The following TRIM37 variants were observed in gnomAD, a reference collection of about 807,000 sequenced individuals.
TRIM37 encodes the protein E3 ubiquitin-protein ligase TRIM37.
Under a neutral mutation model 129.8 loss-of-function variants are expected in TRIM37, and 80 were observed. The ratio of observed to expected loss-of-function variants is 0.62; its 90% CI spans 0.51 to 0.74. The LOEUF is 0.74. TRIM37 is among the 30% of genes least tolerant of loss of function. The pLI, the probability that TRIM37 is intolerant of heterozygous loss-of-function variation, is 0.00. For missense variants in TRIM37, 1,054 were observed against 1,176.5 expected (o/e 0.90, Z 1.52); for synonymous variants, 389 against 387.1 (o/e 1.00, Z -0.06).
At position 58,998,931 on chromosome 17, in the gene TRIM37, T is replaced by G; in HGVS notation, c.*446A>C. 5 of 1,032,518 alleles carry G rather than the reference T, an allele frequency of 4.8e-6. No individual in the cohort carries two copies. Among genetic ancestry groups the G allele is most frequent in the Non-Finnish European group, 5.8e-6 (5 of 857,968 alleles). The allele number at this position is 1,032,518 out of a possible 1,614,324, so 64.0% of individuals were successfully genotyped here. On this transcript the variant is annotated 3_prime_UTR_variant, in exon 24 of 24. Transcript: ENST00000262294. ...TTTCTGTTCACTAATCTACAGGCAC[T>G]AATGGAACTGTAATTAAAACCCCAA...
At position 59,075,688 on chromosome 17, in the gene TRIM37, T is replaced by C. The variant is rs760180162; in HGVS notation, c.643A>G (p.Thr215Ala). The C allele has an allele frequency of 6.2e-7, 1 of 1,611,528 alleles. No homozygotes were observed. Among genetic ancestry groups the C allele is most frequent in the Non-Finnish European group, 8.5e-7 (1 of 1,179,350 alleles). The stretch of plus-strand genomic sequence containing the variant: ...TGAAGTAAGGATTCCAAAAGCTCTG[T>C]TTCTTGGGTTAGAGATGTCTTCTGA... ...MGQKTSLTQE[T>A]ELLESLLQEV... The change falls in exon 8 of 24, where the codon ACA becomes GCA. Residue 215 changes from threonine to alanine, a missense_variant. By Grantham distance (58) the Thr-to-Ala change is moderately conservative (BLOSUM62 0). Coordinates refer to ENST00000262294, the MANE Select transcript of TRIM37 (RefSeq NM_015294.6).
intron 2 of TRIM37, among the ~76,000 whole-genome samples, chr17:59,101,871 G>A (rs1193191581): frequency 2.0e-5 from 3 of 150,152 alleles, no homozygotes; most frequent in African/African-American, 2.4e-5. Flanking sequence ...CCTGGGAGGC[G>A]GAGGTCGTAG....
intron 5 of TRIM37, among the ~76,000 whole-genome samples, chr17:59,082,444 T>C (rs538977873): frequency 2.0e-5 from 3 of 152,318 alleles, no homozygotes; most frequent in Non-Finnish European, 2.9e-5. Context: ...ATCAAGCCAA[T>C]TGAGTATGTA....
chr17:59,046,793 G>A (rs906844443), intron 16 of TRIM37, among the ~76,000 whole-genome samples: 35 of 150,764 alleles, frequency 2.3e-4, no homozygotes, highest in African/African-American at 8.0e-4. Context: ...ACCCGCCTCA[G>A]CCTCCCAGAG....
intron 5 of TRIM37, among the ~76,000 whole-genome samples, chr17:59,081,964 A>AAAAAAAAAAATAATAATAATAAT (rs1568200247): frequency 1.1e-5 from 1 of 87,228 alleles, no homozygotes; most frequent in African/African-American, 5.1e-5. Context: ...AAAAAAAAAA[A>AAAAAAAAAAATAATAATAATAAT]AATAATAATA....
At chr17:59,039,555 C>T (rs2145840382) in intron 17 of TRIM37, among the ~76,000 whole-genome samples, 1 of 152,166 alleles carries the variant, frequency 6.6e-6, no homozygotes, top group South Asian at 2.1e-4. Context: ...TCATGTTAGC[C>T]AGGATGGTCT....
chr17:58,988,273 T>C (rs1461488905), intron 24 of TRIM37, among the ~76,000 whole-genome samples: 1 of 151,916 alleles, frequency 6.6e-6, no homozygotes, highest in Non-Finnish European at 1.5e-5. Flanking sequence ...GCTCAGAAAA[T>C]ACTGTAAAGA....
chr17:59,023,292 G>T (rs1468089242), intron 19 of TRIM37, among the ~76,000 whole-genome samples: 2 of 151,998 alleles, frequency 1.3e-5, no homozygotes, highest in African/African-American at 4.8e-5. Context: ...TGGCCAGGCT[G>T]GTCTCGAACT....
intron 22 of TRIM37, among the ~76,000 whole-genome samples, chr17:59,007,379 G>A (rs903921023): frequency 1.3e-5 from 2 of 151,838 alleles, no homozygotes; most frequent in African/African-American, 2.4e-5. Context: ...TTAATTTTTC[G>A]ATGAATTTTG....
At chr17:59,056,591 G>A (rs185772443) in intron 13 of TRIM37, among the ~76,000 whole-genome samples, 6 of 150,980 alleles carry the variant, frequency 4.0e-5, no homozygotes, top group East Asian at 2.0e-4. Context: ...TTAGCCAGGC[G>A]TGGTGGCGGG....
chr17:59,000,082 G>T (rs1437145212), intron 23 of TRIM37, among the ~76,000 whole-genome samples: 1 of 152,196 alleles, frequency 6.6e-6, no homozygotes, highest in Non-Finnish European at 1.5e-5. Flanking sequence ...TGTTCAGATT[G>T]ATTATTAAGG....
At chr17:59,058,994 CAAG>C (rs1432020698) in intron 12 of TRIM37, among the ~76,000 whole-genome samples, 1 of 152,122 alleles carries the variant, frequency 6.6e-6, no homozygotes, top group Non-Finnish European at 1.5e-5. Flanking sequence ...TGCACATTAT[CAAG>C]AAAATGAAAA....
At chr17:58,978,042 T>G (rs1167005687), downstream of TRIM37, among the ~76,000 whole-genome samples, 1 of 152,228 alleles carries the variant, frequency 6.6e-6, no homozygotes, top group Non-Finnish European at 1.5e-5. Context: ...CCAACTTTCT[T>G]GTGTCAAAGA....
downstream of TRIM37, among the ~76,000 whole-genome samples, chr17:58,995,029 A>G (rs1263476490): frequency 6.6e-6 from 1 of 152,050 alleles, no homozygotes; most frequent in Non-Finnish European, 1.5e-5. Context: ...GATTACAGGC[A>G]TGAGCCACTG....
intron 16 of TRIM37, among the ~76,000 whole-genome samples, chr17:59,046,077 GA>G (rs530214755): frequency 3.0e-4 from 46 of 152,060 alleles, no homozygotes; most frequent in African/African-American, 1.1e-3. Context: ...AGGGCAGAAG[GA>G]AAAGCTCTTC....
intron 22 of TRIM37, among the ~76,000 whole-genome samples, chr17:59,008,572 A>G (rs1000688898): frequency 6.6e-6 from 1 of 152,206 alleles, no homozygotes; most frequent in Admixed American, 6.5e-5. Context: ...GTGCTGAGAT[A>G]ATGTAAATTG....
chr17:58,973,753 C>T, the TRIM37 span, among the ~76,000 whole-genome samples: 1 of 151,892 alleles, frequency 6.6e-6, no homozygotes, highest in Non-Finnish European at 1.5e-5. Context: ...GAGATGGAGA[C>T]CATCCTGGCT....
rs2043519014 is a variant in TRIM37 at position 59,083,832 on chromosome 17, C to G, written c.369+170G>C. On this transcript the variant is annotated intron_variant, in intron 5 of 23. Coordinates refer to ENST00000262294, the MANE Select transcript of TRIM37 (RefSeq NM_015294.6). ...TAAGGGGTCCATCAAACCACACAAA[C>G]AAGATTCTTCTGGAATAAAAGTACA... Among the ~76,000 whole-genome samples the G allele has an allele frequency of 2.6e-5, 4 of 152,152 alleles. No homozygotes were observed. The South Asian group carries it at 8.3e-4, about 32-fold the overall frequency.
At chr17:59,039,534 AG>A (rs1488392675) in intron 17 of TRIM37, among the ~76,000 whole-genome samples, 1 of 151,920 alleles carries the variant, frequency 6.6e-6, no homozygotes, top group Non-Finnish European at 1.5e-5. Flanking sequence ...TTTAGTAGAG[AG>A]GGGGTTCCAT....
Sources: allele counts gnomAD v4.1 joint callset (sites outside exome capture counted in the v4.1 genomes callset), GRCh38; gene constraint gnomAD v4.1.1; transcripts MANE v1.5; gene names NCBI Gene and HGNC (gene_info 2026-07-23, HGNC 2026-07-21).